TRAPPC2: variants seen among roughly 807,000 people sequenced by gnomAD.
The protein encoded by TRAPPC2 is trafficking protein particle complex subunit 2, also known as sedlin.
A neutral mutation model predicts 10.0 loss-of-function variants in TRAPPC2; 4 were observed. That is an observed-to-expected ratio of 0.40 (90% CI 0.20 to 0.92). TRAPPC2 has a LOEUF of 0.92. Among genes scored for constraint, TRAPPC2 ranks in the 40% least tolerant of loss-of-function variants. The pLI is 0.35. For missense variants in TRAPPC2, 52 were observed against 108.7 expected (o/e 0.48, Z 2.32); for synonymous variants, 36 against 37.3 (o/e 0.97, Z 0.12).
intron 2 of TRAPPC2, among the ~76,000 whole-genome samples, chrX:13,724,197 G>A (rs2046490871): frequency 9.1e-6 from 1 of 110,405 alleles, no homozygotes. Flanking sequence ...GGGAAACCTG[G>A]GCTTTTGAGA....
At chrX:13,723,833 T>C (rs1179138558) in intron 2 of TRAPPC2, among the ~76,000 whole-genome samples, 1 of 110,919 alleles carries the variant, frequency 9.0e-6, no homozygotes, top group Non-Finnish European at 1.9e-5. Flanking sequence ...CACATCCTAA[T>C]CTCTGCAACT....
At chrX:13,731,659 C>T (rs568248552) in intron 2 of TRAPPC2, among the ~76,000 whole-genome samples, 1 of 111,214 alleles carries the variant, frequency 9.0e-6, no homozygotes, top group African/African-American at 3.3e-5. Context: ...GCCAGGGACC[C>T]AGAAAGCACT....
intron 2 of TRAPPC2, among the ~76,000 whole-genome samples, chrX:13,723,473 C>G (rs1282781830): frequency 2.7e-5 from 3 of 111,687 alleles, no homozygotes; most frequent in Non-Finnish European, 5.7e-5. Context: ...CGGCCTGATT[C>G]CAAACGTTTT....
At chrX:13,731,829 G>A (rs1465412677) in intron 2 of TRAPPC2, among the ~76,000 whole-genome samples, 1 of 112,224 alleles carries the variant, frequency 8.9e-6, no homozygotes, top group African/African-American at 3.2e-5. Flanking sequence ...TAACTTGAAT[G>A]AAGATAACTT....
At position 13,734,533 on chromosome X, in the gene TRAPPC2, G is replaced by A. The variant is rs956510564; in HGVS notation, c.-170C>T. 9.8e-6 allele frequency: 3 copies of A among 306,146 alleles called. No individual in the cohort carries two copies. The highest frequency in any genetic ancestry group is 1.5e-5 in the Non-Finnish European group (3 of 205,947). 25.2% of individuals were successfully genotyped at this position (306,146 alleles called of 1,213,427 possible). On this transcript the variant is annotated 5_prime_UTR_variant, in exon 1 of 6. Coordinates refer to ENST00000380579, the MANE Select transcript of TRAPPC2 (RefSeq NM_001011658.4). ...CTTGCTCCATTCCCTACCTGCAGTG[G>A]GAGGCCGACAACGGAAACGCAATGT... is the stretch of plus-strand genomic sequence containing the variant.
intron 2 of TRAPPC2, 132 bp from the exon 3 acceptor site, chrX:13,720,114 G>A: frequency 2.4e-6 from 1 of 418,051 alleles, no homozygotes; most frequent in Non-Finnish European, 3.9e-6. Flanking sequence ...AAGCTTGGCA[G>A]TTTCCAGTAT....
chrX:13,723,357 G>A (rs1312819119), intron 2 of TRAPPC2, among the ~76,000 whole-genome samples: 11 of 108,677 alleles, frequency 1.0e-4, no homozygotes, highest in African/African-American at 2.7e-4. Context: ...TAGTAGAGAC[G>A]GGGATTCACC....
At chrX:13,722,838 C>T (rs756019498) in intron 2 of TRAPPC2, among the ~76,000 whole-genome samples, 12 of 111,137 alleles carry the variant, frequency 1.1e-4, no homozygotes, top group Middle Eastern at 4.6e-3. Context: ...CCAAGGTGGG[C>T]GGATCACGAG....
At chrX:13,717,885 A>C (rs189562225) in intron 3 of TRAPPC2, among the ~76,000 whole-genome samples, 1 of 112,383 alleles carries the variant, frequency 8.9e-6, no homozygotes, top group African/African-American at 3.2e-5. Flanking sequence ...TGGTTAGCTA[A>C]GATGAGGTCA....
intron 2 of TRAPPC2, 26 bp from the exon 3 acceptor site, chrX:13,720,008 T>G: frequency 1.0e-6 from 1 of 956,963 alleles, no homozygotes; most frequent in Non-Finnish European, 1.4e-6. Context: ...ATAGTACATA[T>G]TTTTAGTAGT....
chrX:13,718,435 T>G (rs1449942181), intron 3 of TRAPPC2, among the ~76,000 whole-genome samples: 1 of 112,666 alleles, frequency 8.9e-6, no homozygotes, highest in Non-Finnish European at 1.9e-5. Context: ...TTTAAGAAAG[T>G]GAGTGGTAGC....
chrX:13,728,958 TAGAC>T (rs773809674), intron 2 of TRAPPC2, among the ~76,000 whole-genome samples: 69 of 110,468 alleles, frequency 6.2e-4, no homozygotes, highest in Non-Finnish European at 9.5e-4. Flanking sequence ...ACACCAATAA[TAGAC>T]AGAGAGCCAA....
chrX:13,730,145 T>C (rs2046642972), intron 2 of TRAPPC2, among the ~76,000 whole-genome samples: 1 of 109,411 alleles, frequency 9.1e-6, no homozygotes. Context: ...ACCTACAGAA[T>C]GGGAGAAAAT....
chrX:13,715,745 G>C, intron 5 of TRAPPC2: 1 of 867,894 alleles, frequency 1.2e-6, no homozygotes, highest in Non-Finnish European at 1.4e-6. Context: ...TCAGCTATGA[G>C]GACAACAAGG....
chrX:13,731,935 T>A (rs1029574202), intron 2 of TRAPPC2, among the ~76,000 whole-genome samples: 1 of 111,802 alleles, frequency 8.9e-6, no homozygotes, highest in African/African-American at 3.3e-5. Flanking sequence ...TAAGGTGAAA[T>A]TAACAAGATA....
chrX:13,728,808 G>A (rs150016439), intron 2 of TRAPPC2, among the ~76,000 whole-genome samples: 1,682 of 111,888 alleles, frequency 0.015, 31 homozygotes, highest in African/African-American at 0.048. Context: ...AGGAAGTCAA[G>A]TTGTCCCTGT....
chrX:13,716,394 A>C (rs972769677), intron 4 of TRAPPC2, 140 bp downstream of exon 4: 1 of 779,063 alleles, frequency 1.3e-6, no homozygotes. Context: ...AAAAAAGAAA[A>C]GTAGCCCCAT....
chrX:13,723,582 T>G (rs886547658), intron 2 of TRAPPC2, among the ~76,000 whole-genome samples: 5 of 112,138 alleles, frequency 4.5e-5, no homozygotes, highest in South Asian at 3.6e-4. Flanking sequence ...CTGCCATTAC[T>G]GAATTACCTG....
At chrX:13,732,969 C>T (rs1050902064) in intron 2 of TRAPPC2, among the ~76,000 whole-genome samples, 5 of 112,182 alleles carry the variant, frequency 4.5e-5, no homozygotes, top group Non-Finnish European at 7.5e-5. Flanking sequence ...TGAGGAGGGG[C>T]AGTAGGAATA....
Sources: allele counts gnomAD v4.1 joint callset (sites outside exome capture counted in the v4.1 genomes callset), GRCh38; gene constraint gnomAD v4.1.1; transcripts MANE v1.5; gene names NCBI Gene and HGNC (gene_info 2026-07-23, HGNC 2026-07-21).